DHX8: variants seen among roughly 807,000 people sequenced by gnomAD.
DHX8 encodes the protein DEAH-box helicase 8.
Under a neutral mutation model 140.7 loss-of-function variants are expected in DHX8, and 67 were observed. The ratio of observed to expected loss-of-function variants is 0.48; its 90% CI spans 0.39 to 0.58. The LOEUF (loss-of-function observed/expected upper bound fraction) is 0.58, where lower values mean the gene tolerates loss of function less well. Among genes scored for constraint, DHX8 ranks in the 20% least tolerant of loss-of-function variants. DHX8 has a pLI of 0.00. For missense variants in DHX8, 887 were observed against 1,550.7 expected (o/e 0.57, Z 7.19); for synonymous variants, 533 against 553.2 (o/e 0.96, Z 0.51).
chr17:43,513,222 G>A (rs1969938185), intron 16 of DHX8, 140 bp from the exon 17 acceptor site: 3 of 875,808 alleles, frequency 3.4e-6, no homozygotes, highest in South Asian at 5.0e-5. Flanking sequence ...GGCTGAGCTG[G>A]GATTAAGTGT....
At chr17:43,532,860 AG>A in intron 2 of DHX8, 2 of 1,613,120 alleles carry the variant, frequency 1.2e-6, no homozygotes, top group Non-Finnish European at 1.7e-6. Flanking sequence ...TGGTGTTGGT[AG>A]GGGGCTGGGA....
chr17:43,493,650 A>G, intron 7 of DHX8, 33 bp from the exon 8 acceptor site: 3 of 1,614,194 alleles, frequency 1.9e-6, no homozygotes, highest in Non-Finnish European at 2.5e-6. Flanking sequence ...AGAGGACAGC[A>G]AGTGAGACAG....
intron 3 of DHX8, among the ~76,000 whole-genome samples, chr17:43,543,022 G>C (rs75147298): frequency 0.014 from 2,125 of 152,158 alleles, 40 homozygotes; most frequent in African/African-American, 0.049. Context: ...GATGGTGCAG[G>C]GGGACAGGGC....
At chr17:43,489,395 A>G (rs1268850956) in intron 1 of DHX8, 54 bp from the exon 2 acceptor site, 1 of 1,262,130 alleles carries the variant, frequency 7.9e-7, no homozygotes, top group Non-Finnish European at 1.1e-6. Context: ...CCATACTTGA[A>G]ACTGATTTCT....
In DHX8 at chr17:43,517,521, C is replaced by G. The variant is rs930909987; in HGVS notation, c.2799+199C>G. 9 of 571,992 alleles carry G rather than the reference C, an allele frequency of 1.6e-5. No individual in the cohort carries two copies. In the African/African-American group the frequency reaches 1.7e-4, roughly 11 times the overall value. 35.4% of individuals were successfully genotyped at this position (571,992 alleles called of 1,614,324 possible). ...TAAGTTGGCATGTCTGCTGTGAACACACATTTTTTCTTACCATAACAACCA... is the reference window on the plus strand; with the variant it reads ...TAAGTTGGCATGTCTGCTGTGAACAGACATTTTTTCTTACCATAACAACCA... On this transcript the variant is annotated intron_variant, in intron 18 of 22. Transcript: ENST00000262415.
chr17:43,498,484 C>T (rs1969001766), intron 9 of DHX8, among the ~76,000 whole-genome samples: 1 of 145,766 alleles, frequency 6.9e-6, no homozygotes, highest in East Asian at 2.1e-4. Context: ...GAGTCTCACT[C>T]TGTCACCCAG....
At chr17:43,521,733 A>G (rs1329370378) in intron 21 of DHX8, among the ~76,000 whole-genome samples, 168 bp downstream of exon 21, 1 of 152,158 alleles carries the variant, frequency 6.6e-6, no homozygotes, top group Non-Finnish European at 1.5e-5. Context: ...CTCCCCAAGT[A>G]AGGGTATGCC....
chr17:43,485,777 T>C (rs747267258), intron 1 of DHX8, among the ~76,000 whole-genome samples: 2 of 152,242 alleles, frequency 1.3e-5, no homozygotes, highest in Non-Finnish European at 2.9e-5. Flanking sequence ...TGTACAAAAA[T>C]AGAGCGAAGT....
At chr17:43,485,246 C>T (rs185076961) in intron 1 of DHX8, among the ~76,000 whole-genome samples, 43 of 152,156 alleles carry the variant, frequency 2.8e-4, no homozygotes, top group Non-Finnish European at 3.8e-4. Flanking sequence ...TCTTCAGTTT[C>T]CTAAATGAAG....
chr17:43,533,942 CTG>C, intron 2 of DHX8: 2 of 1,549,650 alleles, frequency 1.3e-6, no homozygotes, highest in Non-Finnish European at 1.7e-6. Flanking sequence ...TGCGGGGACT[CTG>C]GGGCTCCTTC....
In DHX8 at chr17:43,516,654, G is replaced by T. The variant is rs574705496; in HGVS notation, c.2644-513G>T. Among the ~76,000 whole-genome samples the T allele has an allele frequency of 1.1e-3, 173 of 152,150 alleles. 1 individual carries two copies. The highest frequency in any genetic ancestry group is 4.1e-3 in the African/African-American group (169 of 41,502). On this transcript the variant is annotated intron_variant, in intron 17 of 22. Transcript: ENST00000262415. ...TGTAGAGATGAAGTTTCAACATATT[G>T]CCCTGGCTGATCTCGAACTCCTGGG... is the stretch of plus-strand genomic sequence containing the variant.
downstream of DHX8, among the ~76,000 whole-genome samples, chr17:43,531,115 G>A (rs777963261): frequency 2.0e-5 from 3 of 152,312 alleles, no homozygotes; most frequent in Admixed American, 6.5e-5. Flanking sequence ...AGCACCATCC[G>A]GTTCTTAGTT....
chr17:43,508,782 G>A (rs925785204), intron 16 of DHX8, among the ~76,000 whole-genome samples: 2 of 152,010 alleles, frequency 1.3e-5, no homozygotes, highest in African/African-American at 2.4e-5. Context: ...ACCACGCCTG[G>A]CTAATTTTTT....
At chr17:43,516,133 C>G (rs1158762208) in intron 17 of DHX8, among the ~76,000 whole-genome samples, 1 of 151,956 alleles carries the variant, frequency 6.6e-6, no homozygotes, top group East Asian at 1.9e-4. Context: ...TTCATGGTTG[C>G]AATTTTAGTA....
downstream of DHX8, among the ~76,000 whole-genome samples, chr17:43,531,398 G>A (rs1198744058): frequency 6.6e-6 from 1 of 152,138 alleles, no homozygotes; most frequent in African/African-American, 2.4e-5. Flanking sequence ...CAGCCAGGTG[G>A]AACTAGAATT....
At chr17:43,533,282 G>A (rs976631633) in intron 2 of DHX8, 1 of 1,613,956 alleles carries the variant, frequency 6.2e-7, no homozygotes, top group African/African-American at 1.3e-5. Flanking sequence ...AGGGCTGTAG[G>A]GGCGACTGTC....
rs77019804 is a variant in DHX8 at position 43,508,933 on chromosome 17, C to A, written c.2502+413C>A. On this transcript the variant is annotated intron_variant, in intron 16 of 22. Coordinates refer to ENST00000262415, the MANE Select transcript of DHX8 (RefSeq NM_004941.3). ...CGCGCCCGGCCAGGTGTATGCAAGT[C>A]TTGTTTGTTAGGTTTCAGAGACTGG... Among the ~76,000 whole-genome samples the A allele has an allele frequency of 3.2e-4, 48 of 152,232 alleles. No homozygotes were observed. In the East Asian group the frequency reaches 6.9e-3, roughly 22 times the overall value.
intron 1 of DHX8, among the ~76,000 whole-genome samples, chr17:43,484,747 T>C (rs1968030418): frequency 6.6e-6 from 1 of 152,138 alleles, no homozygotes; most frequent in Admixed American, 6.5e-5. Context: ...GCTCAAGCAG[T>C]CCTCCCACCT....
Position 43,525,257 on chromosome 17 carries a change from G to A in DHX8, c.*1410G>A. 1 of 985,456 alleles carries A rather than the reference G, an allele frequency of 1.0e-6. No homozygotes were observed. Among genetic ancestry groups the A allele is most frequent in the South Asian group, 4.7e-5 (1 of 21,288 alleles). 61.0% of individuals were successfully genotyped at this position (985,456 alleles called of 1,614,324 possible). ...TCTCCTGTCCTTATGTTATTAGTAA[G>A]TTCTGAAGTGATGTAAATGCTAGAA... On this transcript the variant is annotated 3_prime_UTR_variant, in exon 23 of 23. Coordinates refer to ENST00000262415, the MANE Select transcript of DHX8 (RefSeq NM_004941.3).
Sources: allele counts gnomAD v4.1 joint callset (sites outside exome capture counted in the v4.1 genomes callset), GRCh38; gene constraint gnomAD v4.1.1; transcripts MANE v1.5; gene names NCBI Gene and HGNC (gene_info 2026-07-23, HGNC 2026-07-21).